SLC22A3: variants seen among roughly 807,000 people sequenced by gnomAD.
SLC22A3 encodes EMT organic cation transporter 3.
Under a neutral mutation model 59.1 loss-of-function variants are expected in SLC22A3, and 51 were observed. The observed-to-expected ratio is 0.86, with a 90% CI of 0.69 to 1.09. The LOEUF is 1.09. Ranked by LOEUF, SLC22A3 falls within the 50% of genes least tolerant of loss-of-function variation. SLC22A3 has a pLI of 0.00. For synonymous variants in SLC22A3, 325 were observed against 292.0 expected, an observed-to-expected ratio of 1.11 and a Z score of -1.15; for missense variants, 711 against 726.3, an observed-to-expected ratio of 0.98 and a Z score of 0.24.
intron 2 of SLC22A3, among the ~76,000 whole-genome samples, chr6:160,406,776 CG>C (rs1218980029): frequency 6.6e-6 from 1 of 152,132 alleles, no homozygotes; most frequent in Non-Finnish European, 1.5e-5. Context: ...TCTGTACCAC[CG>C]GGGAGACTCT....
Position 160,437,209 on chromosome 6 carries a change from A to G in SLC22A3, c.1286A>G (p.Glu429Gly), listed in dbSNP as rs1562501257. ...TGCCTTGTCACTGCGTTCTTACCAG[A>G]AGGTAATCTTACCCCACATCTGTTT... The part of the protein sequence containing the change: ...VACLVTAFLP[E>G]GIAWLRTTVA... The change falls in exon 7 of 11, where the codon GAA (glutamate) becomes GGA (glycine). Residue 429 changes from glutamate to glycine, a missense_variant and splice_region_variant. Physicochemically the swap from Glu to Gly is moderately conservative, Grantham distance 98 (BLOSUM62 -2). Coordinates refer to ENST00000275300, the MANE Select transcript of SLC22A3 (RefSeq NM_021977.4). The G allele has an allele frequency of 6.2e-7, 1 of 1,613,994 alleles. No homozygotes were observed. The highest frequency in any genetic ancestry group is 8.5e-7 in the Non-Finnish European group (1 of 1,179,904).
chr6:160,405,306 G>T (rs534821223), intron 2 of SLC22A3, among the ~76,000 whole-genome samples: 2 of 152,136 alleles, frequency 1.3e-5, no homozygotes, highest in African/African-American at 4.8e-5. Flanking sequence ...ATGAAATGAT[G>T]CTCTACGTCA....
intron 1 of SLC22A3, among the ~76,000 whole-genome samples, chr6:160,373,884 A>C (rs1785494208): frequency 6.6e-6 from 1 of 152,112 alleles, no homozygotes; most frequent in Non-Finnish European, 1.5e-5. Context: ...TCCCAGGTCG[A>C]TTTCAGACTG....
At chr6:160,349,676 C>A (rs1038297057) in intron 1 of SLC22A3, among the ~76,000 whole-genome samples, 3 of 152,096 alleles carry the variant, frequency 2.0e-5, no homozygotes, top group Admixed American at 6.5e-5. Flanking sequence ...GTTTCTGCAT[C>A]CTTGCTGAAA....
chr6:160,397,732 CAAAA>C (rs201152865), intron 1 of SLC22A3, among the ~76,000 whole-genome samples: 6 of 88,168 alleles, frequency 6.8e-5, no homozygotes, highest in Non-Finnish European at 4.8e-5. Context: ...GACTCCATCT[CAAAA>C]AAAAAAAAAA....
At chr6:160,443,563 A>AT (rs1788627996) in intron 8 of SLC22A3, 67 bp from the exon 9 acceptor site, 1 of 1,063,466 alleles carries the variant, frequency 9.4e-7, no homozygotes, top group Admixed American at 1.8e-5. Context: ...ATATGTCTGA[A>AT]TATGTTGATT....
At chr6:160,436,311 C>T (rs946135949) in intron 5 of SLC22A3, among the ~76,000 whole-genome samples, 9 of 152,146 alleles carry the variant, frequency 5.9e-5, no homozygotes, top group African/African-American at 1.9e-4. Context: ...CTGAATTTTT[C>T]TGGATCAAAA....
chr6:160,350,340 C>A (rs1416267327), intron 1 of SLC22A3, among the ~76,000 whole-genome samples: 1 of 152,210 alleles, frequency 6.6e-6, no homozygotes, highest in East Asian at 1.9e-4. Flanking sequence ...ACCCCCCTGG[C>A]AAGACAGCCA....
intron 1 of SLC22A3, 172 bp downstream of exon 1, chr6:160,349,020 T>C (rs1004519184): frequency 2.0e-6 from 2 of 985,338 alleles, no homozygotes; most frequent in African/African-American, 3.5e-5. Context: ...TGCCGCGTCG[T>C]AAATGCTGGG....
chr6:160,406,310 C>G (rs76616387), intron 2 of SLC22A3, among the ~76,000 whole-genome samples: 2,992 of 152,252 alleles, frequency 0.02, 92 homozygotes, highest in Middle Eastern at 0.11. Context: ...AGAATCAAAT[C>G]TCTTAATGGA....
intron 1 of SLC22A3, among the ~76,000 whole-genome samples, chr6:160,368,604 C>G (rs1785288914): frequency 6.6e-6 from 1 of 152,186 alleles, no homozygotes; most frequent in Non-Finnish European, 1.5e-5. Flanking sequence ...TACATTCTCA[C>G]CTTCCACTCA....
chr6:160,387,452 C>T (rs1172273207), intron 1 of SLC22A3, among the ~76,000 whole-genome samples: 1 of 152,168 alleles, frequency 6.6e-6, no homozygotes, highest in South Asian at 2.1e-4. Flanking sequence ...GCAAGAGGGG[C>T]TCCCAAGGAA....
At chr6:160,404,470 A>G (rs540152677) in intron 2 of SLC22A3, among the ~76,000 whole-genome samples, 50 of 152,258 alleles carry the variant, frequency 3.3e-4, no homozygotes, top group African/African-American at 1.2e-3. Flanking sequence ...GAGATATTCA[A>G]CATTCATGGA....
rs766580116 is a variant in SLC22A3, at chr6:160,447,825, T to C, written c.1610+7T>C. 2 of 1,607,988 alleles carry C rather than the reference T, an allele frequency of 1.2e-6. No individual in the cohort carries two copies. Among genetic ancestry groups the C allele is most frequent in the Middle Eastern group, 1.7e-4 (1 of 6,046 alleles). ...ATGTAGAAAAACTTGGCAGGTACTGTACAAAATTCAATGCACCCTAAATAA... is the reference window on the plus strand; with the variant it reads ...ATGTAGAAAAACTTGGCAGGTACTGCACAAAATTCAATGCACCCTAAATAA... On this transcript the variant is annotated splice_region_variant and intron_variant, in intron 10 of 10. Transcript: ENST00000275300.
rs1184270334 is a variant in SLC22A3, at chr6:160,348,624, G to T, written c.205G>T (p.Glu69Ter). The T allele has an allele frequency of 2.0e-6, 3 of 1,504,222 alleles. No individual in the cohort carries two copies. The highest frequency in any genetic ancestry group is 2.6e-6 in the Non-Finnish European group (3 of 1,134,266). The allele number at this position is 1,504,222 out of a possible 1,614,324, so 93.2% of individuals were successfully genotyped here. A position where few individuals can be genotyped will look rare whatever the true frequency, so the allele number is the denominator to read the frequency against. The change falls in exon 1 of 11, where the codon GAG (glutamate) becomes TAG (stop). Residue 69 changes from glutamate to a stop codon, truncating the protein, a stop_gained. Transcript: ENST00000275300. LOFTEE classifies it high-confidence loss of function. ...LAERCGWSPE[E>*]EWNRTAPASR... is the part of the protein sequence containing the mutation. Reference sequence around the variant, plus strand: ...CGAGCGCTGCGGCTGGAGCCCGGAGGAGGAGTGGAACCGCACGGCGCCCGC... The same window carrying T: ...CGAGCGCTGCGGCTGGAGCCCGGAGTAGGAGTGGAACCGCACGGCGCCCGC...
intron 1 of SLC22A3, among the ~76,000 whole-genome samples, chr6:160,357,345 G>A (rs1214410744): frequency 6.6e-6 from 1 of 152,168 alleles, no homozygotes; most frequent in Non-Finnish European, 1.5e-5. Flanking sequence ...CCCAGTTGCT[G>A]CGTCCACCTA....
intron 5 of SLC22A3, among the ~76,000 whole-genome samples, chr6:160,417,547 G>T (rs574961804): frequency 6.6e-6 from 1 of 152,132 alleles, no homozygotes; most frequent in African/African-American, 2.4e-5. Flanking sequence ...GTGATGCAGG[G>T]GTATCTGATT....
intron 1 of SLC22A3, among the ~76,000 whole-genome samples, chr6:160,383,416 A>G (rs1785869598): frequency 6.6e-6 from 1 of 152,100 alleles, no homozygotes; most frequent in African/African-American, 2.4e-5. Flanking sequence ...TCCGATAGAT[A>G]TTGCATCTGA....
chr6:160,368,708 ACCT>A (rs1785292222), intron 1 of SLC22A3, among the ~76,000 whole-genome samples: 1 of 151,556 alleles, frequency 6.6e-6, no homozygotes, highest in Admixed American at 6.6e-5. Flanking sequence ...CTGTTCACTC[ACCT>A]CCTCACCCCT....
Sources: gnomAD v4.1 joint callset for allele counts (sites outside exome capture counted in the v4.1 genomes callset) on GRCh38, gnomAD v4.1.1 for gene constraint, MANE v1.5 for transcripts, NCBI Gene and HGNC (gene_info 2026-07-23, HGNC 2026-07-21) for gene names.